Variants in ZNF534 observed in about 807,000 individuals in gnomAD.
ZNF534 encodes the protein KRAB domain only 3.
ZNF534 carries 19 observed loss-of-function variants against 13.6 expected under a neutral mutation model. The ratio of observed to expected loss-of-function variants is 1.40; its 90% CI spans 0.97 to 2.05. The LOEUF (loss-of-function observed/expected upper bound fraction) is 2.05, where lower values mean the gene tolerates loss of function less well. Ranked by LOEUF, ZNF534 falls within the 30% of genes most tolerant of loss-of-function variation. ZNF534 has a pLI of 0.00. For synonymous variants in ZNF534, 244 were observed against 273.8 expected, an observed-to-expected ratio of 0.89 and a Z score of 1.07; for missense variants, 782 against 796.3, an observed-to-expected ratio of 0.98 and a Z score of 0.22.
rs13345433 is a variant in ZNF534, at chr19:52,441,060, A to T, written c.*1614A>T. Among the ~76,000 whole-genome samples, 1 of 152,074 alleles carries T rather than the reference A, an allele frequency of 6.6e-6. No homozygotes were observed. The highest frequency in any genetic ancestry group is 2.4e-5 in the African/African-American group (1 of 41,438). On this transcript the variant is annotated 3_prime_UTR_variant, in exon 5 of 5. Coordinates refer to ENST00000433050, the MANE Select transcript of ZNF534 (RefSeq NM_001143938.3). ...AGGACTACAAGCACATGATGCCATC[A>T]TGCCTGGCTAATTTTTTGTATTTTT...
At chr19:52,451,369 C>A in exon 5 of ZNF534, 1 of 975,092 alleles carries the variant, frequency 1.0e-6, no homozygotes, top group African/African-American at 1.6e-5. Context: ...ACGCGCGAGG[C>A]TCACGGCAGA....
chr19:52,443,106 G>A (rs987874208), downstream of ZNF534, among the ~76,000 whole-genome samples: 27 of 152,162 alleles, frequency 1.8e-4, no homozygotes, highest in Non-Finnish European at 1.3e-4. Context: ...AATAGTTCCT[G>A]TTTAGCAAAG....
chr19:52,451,371 C>T, exon 5 of ZNF534: 1 of 950,414 alleles, frequency 1.1e-6, no homozygotes, highest in Non-Finnish European at 1.7e-6. Flanking sequence ...GCGCGAGGCT[C>T]ACGGCAGAGG....
In ZNF534 at chr19:52,435,067, C is replaced by A; in HGVS notation, c.143-14C>A. 6.2e-7 allele frequency: 1 copy of A among 1,609,476 alleles called. No individual in the cohort carries two copies. The highest frequency in any genetic ancestry group is 8.5e-7 in the Non-Finnish European group (1 of 1,177,834). On this transcript the variant is annotated splice_polypyrimidine_tract_variant and intron_variant, in intron 3 of 4. Transcript: ENST00000433050. ...ATGCCACAGCACACATTTATTCTTTCTTTTTGTAAGTAGGAATCTGTCTTC... is the reference window on the plus strand; with the variant it reads ...ATGCCACAGCACACATTTATTCTTTATTTTTGTAAGTAGGAATCTGTCTTC...
intron 2 of ZNF534, among the ~76,000 whole-genome samples, chr19:52,431,897 A>G (rs1240953837): frequency 6.7e-6 from 1 of 149,860 alleles, no homozygotes; most frequent in Admixed American, 6.7e-5. Context: ...ACTGTTGCCC[A>G]GGCTGGAGTG....
At chr19:52,430,227 G>A (rs1485244486) in intron 1 of ZNF534, among the ~76,000 whole-genome samples, 1 of 151,900 alleles carries the variant, frequency 6.6e-6, no homozygotes, top group Admixed American at 6.6e-5. Context: ...TGTTGGCCAG[G>A]CTGGTCTTGA....
At position 52,438,159 on chromosome 19, in the gene ZNF534, A is replaced by G. The variant is rs573315616; in HGVS notation, c.699A>G (p.Gln233=). Residue 233 remains glutamine (Q), a synonymous_variant, in exon 5 of 5, where the codon CAA becomes CAG. Transcript: ENST00000433050. ...FSSNSNFAQH[Q]RIHTGEKPYK... The stretch of plus-strand genomic sequence containing the variant: ...GCAATTCAAACTTTGCACAACATCA[A>G]CGAATCCATACTGGAGAGAAGCCTT... 15 of 1,614,152 alleles carry G rather than the reference A, an allele frequency of 9.3e-6. No individual in the cohort carries two copies. The South Asian group carries it at 1.5e-4, about 17-fold the overall frequency.
chr19:52,429,965 T>TC (rs151188665), intron 1 of ZNF534, among the ~76,000 whole-genome samples: 16,993 of 151,470 alleles, frequency 0.11, 1,141 homozygotes, highest in African/African-American at 0.19. Flanking sequence ...CTTTTTTTTT[T>TC]CCCTTAACAA....
intron 2 of ZNF534, among the ~76,000 whole-genome samples, chr19:52,433,030 C>T (rs936527759): frequency 6.6e-6 from 1 of 151,902 alleles, no homozygotes; most frequent in African/African-American, 2.4e-5. Context: ...ATCACTTGAG[C>T]TTAGGCCTTT....
chr19:52,437,846 T>C lies in ZNF534; in HGVS notation c.386T>C (p.Ile129Thr). ...CAGCCATTTCAAGCTGTAAGGAATATTTATGGATGTAAGCATGTTGAGAAA... is the reference window on the plus strand; with the variant it reads ...CAGCCATTTCAAGCTGTAAGGAATACTTATGGATGTAAGCATGTTGAGAAA... ...EWQPFQAVRN[I>T]YGCKHVEKSI... Residue 129 changes from isoleucine (I) to threonine (T), a missense_variant, in exon 5 of 5, where the codon ATT becomes ACT. Coordinates refer to ENST00000433050, the MANE Select transcript of ZNF534 (RefSeq NM_001143938.3). 6.2e-7 allele frequency: 1 copy of C among 1,613,850 alleles called. No homozygotes were observed. The highest frequency in any genetic ancestry group is 1.7e-5 in the Admixed American group (1 of 60,010).
chr19:52,429,228 T>C lies in ZNF534; in HGVS notation c.-84T>C, dbSNP rs1280952950. 2 of 146,286 alleles carry C rather than the reference T, an allele frequency of 1.4e-5. No homozygotes were observed. The highest frequency in any genetic ancestry group is 3.0e-5 in the Non-Finnish European group (2 of 67,468). 9.1% of individuals were successfully genotyped at this position (146,286 alleles called of 1,614,324 possible). A position where few individuals can be genotyped will look rare whatever the true frequency, so the allele number is the denominator to read the frequency against. ...CCGGCACCCGACTGCGCGGAAAGAC[T>C]GTCTAAGCCGCCACTCGTGAGTTTG... On this transcript the variant is annotated 5_prime_UTR_variant, in exon 1 of 5. Coordinates refer to ENST00000433050, the MANE Select transcript of ZNF534 (RefSeq NM_001143938.3).
Position 52,433,982 on chromosome 19 carries a change from A to G in ZNF534, c.43A>G (p.Ile15Val). 1.2e-6 allele frequency: 2 copies of G among 1,614,112 alleles called. No individual in the cohort carries two copies. Among genetic ancestry groups the G allele is most frequent in the Non-Finnish European group, 1.7e-6 (2 of 1,179,990 alleles). ...QGQLSFSDVA[I>V]EFSQEEWKCL... ...GCAATTGTCATTCAGCGATGTGGCCATAGAATTCTCTCAGGAGGAGTGGAA... is the reference window on the plus strand; with the variant it reads ...GCAATTGTCATTCAGCGATGTGGCCGTAGAATTCTCTCAGGAGGAGTGGAA... The change falls in exon 3 of 5, where the codon ATA becomes GTA. Residue 15 changes from isoleucine (I) to valine (V), a missense_variant. This residue lies in a region of ZNF534 where 81 missense variants were observed against 63.5 expected (regional missense o/e 1.28). Coordinates refer to ENST00000433050, the MANE Select transcript of ZNF534 (RefSeq NM_001143938.3).
rs8182487 is a variant in ZNF534 at position 52,429,166 on chromosome 19, C to G, written c.-146C>G. Reference sequence around the variant, plus strand: ...TTCCTGCAGACCCGGAAGTCGAGATCATGGAGTGAACGTTTCGCGCGCTTT... The same window carrying G: ...TTCCTGCAGACCCGGAAGTCGAGATGATGGAGTGAACGTTTCGCGCGCTTT... On this transcript the variant is annotated 5_prime_UTR_variant, in exon 1 of 5. In the 5' UTR this introduces an upstream ATG that the reference lacks. Coordinates refer to ENST00000433050, the MANE Select transcript of ZNF534 (RefSeq NM_001143938.3). 12,804 of 152,294 alleles carry G rather than the reference C, an allele frequency of 0.084. 552 individuals carry two copies. Among genetic ancestry groups the G allele is most frequent in the Middle Eastern group, 0.14 (42 of 300 alleles). 9.4% of individuals were successfully genotyped at this position (152,294 alleles called of 1,614,324 possible). A position where few individuals can be genotyped will look rare whatever the true frequency, so the allele number is the denominator to read the frequency against.
In ZNF534 at chr19:52,442,025, G is replaced by A; in HGVS notation, c.*2579G>A. Among the ~76,000 whole-genome samples the A allele has an allele frequency of 6.9e-6, 1 of 144,296 alleles. No homozygotes were observed. Among genetic ancestry groups the A allele is most frequent in the East Asian group, 2.0e-4 (1 of 5,012 alleles). 94.7% of individuals were successfully genotyped at this position (144,296 alleles called of 152,430 possible). A position where few individuals can be genotyped will look rare whatever the true frequency, so the allele number is the denominator to read the frequency against. On this transcript the variant is annotated 3_prime_UTR_variant, in exon 5 of 5. Transcript: ENST00000433050. Reference sequence around the variant, plus strand: ...TGTATGTGGCACAGGCTTTCCTGAGGCCTGCCAAATCACTAGAAATCAAAA... The same window carrying A: ...TGTATGTGGCACAGGCTTTCCTGAGACCTGCCAAATCACTAGAAATCAAAA...
intron 4 of ZNF534, 63 bp from the exon 5 acceptor site, chr19:52,437,669 T>A: frequency 1.4e-6 from 2 of 1,440,784 alleles, no homozygotes; most frequent in Non-Finnish European, 1.8e-6. Flanking sequence ...GAATCTTGTT[T>A]TCTGTCAGAC....
chr19:52,431,491 TA>T lies in ZNF534; in HGVS notation c.15+4del. The T allele has an allele frequency of 6.2e-7, 1 of 1,614,034 alleles. No individual in the cohort carries two copies. Among genetic ancestry groups the T allele is most frequent in the Non-Finnish European group, 8.5e-7 (1 of 1,179,954 alleles). ...AAGTCAGGAATGGCCCTTACTCAGG[TA>T]AGGTAATGTTCTCAGTGGATTGTTC... is the stretch of plus-strand genomic sequence containing the variant. On this transcript the variant is annotated splice_donor_region_variant and intron_variant, in intron 2 of 4. Transcript: ENST00000433050.
intron 1 of ZNF534, among the ~76,000 whole-genome samples, chr19:52,429,476 A>ATT (rs148680205): frequency 0.013 from 1,950 of 148,880 alleles, 42 homozygotes; most frequent in African/African-American, 0.044. Flanking sequence ...GCACTTTGCT[A>ATT]TTTTTTTTTC....
Position 52,437,903 on chromosome 19 carries a change from T to C in ZNF534, c.443T>C (p.Val148Ala). The C allele has an allele frequency of 6.2e-7, 1 of 1,613,258 alleles. No individual in the cohort carries two copies. Among genetic ancestry groups the C allele is most frequent in the South Asian group, 1.1e-5 (1 of 90,850 alleles). The change falls in exon 5 of 5, where the codon GTT becomes GCT. Residue 148 changes from valine (V) to alanine (A), a missense_variant. Around this residue, in one of 5 missense-constraint regions of ZNF534, gnomAD observed 591 missense variants for 574.0 expected, o/e 1.03. Coordinates refer to ENST00000433050, the MANE Select transcript of ZNF534 (RefSeq NM_001143938.3). ...SISDNSSVSP[V>A]QISFFSVKTH... ...AGTGACAATTCTTCAGTTTCACCAGTTCAAATAAGTTTTTTCAGTGTCAAA... is the reference window on the plus strand; with the variant it reads ...AGTGACAATTCTTCAGTTTCACCAGCTCAAATAAGTTTTTTCAGTGTCAAA...
Position 52,438,950 on chromosome 19 carries a change from A to G in ZNF534, c.1490A>G (p.Asn497Ser), listed in dbSNP as rs768801573. The change falls in exon 5 of 5, where the codon AAT (asparagine) becomes AGT (serine). Residue 497 changes from asparagine (N) to serine (S), a missense_variant. This residue lies in a region of ZNF534 where 591 missense variants were observed against 574.0 expected (regional missense o/e 1.03). Coordinates refer to ENST00000433050, the MANE Select transcript of ZNF534 (RefSeq NM_001143938.3). ...ACTGGAGAGAAGCTTTACAAATGTA[A>G]TGAATGTGGCAAGGTCTTCCGTCAG... ...IHTGEKLYKCNECGKVFRQNS... is the reference protein window; with the variant it reads ...IHTGEKLYKCSECGKVFRQNS... The G allele has an allele frequency of 1.9e-6, 3 of 1,605,040 alleles. No individual in the cohort carries two copies. Among genetic ancestry groups the G allele is most frequent in the South Asian group, 1.1e-5 (1 of 90,212 alleles).
Sources: allele counts gnomAD v4.1 joint callset (sites outside exome capture counted in the v4.1 genomes callset), GRCh38; gene constraint gnomAD v4.1.1; regional missense constraint gnomAD v4.1.1; transcripts MANE v1.5; gene names NCBI Gene and HGNC (gene_info 2026-07-23, HGNC 2026-07-21).